The following LUZP2 variants were observed in gnomAD, a reference collection of about 807,000 sequenced individuals.
The protein encoded by LUZP2 is leucine zipper protein 2.
LUZP2 carries 52 observed loss-of-function variants against 51.6 expected under a neutral mutation model. The observed-to-expected ratio is 1.01, with a 90% CI of 0.81 to 1.27. The LOEUF (loss-of-function observed/expected upper bound fraction) is 1.27. Among genes scored for constraint, LUZP2 ranks in the 50% most tolerant of loss-of-function variants. LUZP2 has a pLI of 0.00. For missense variants in LUZP2, 436 were observed against 395.4 expected (o/e 1.10, Z -0.87); for synonymous variants, 154 against 137.3 (o/e 1.12, Z -0.85).
At chr11:24,794,396 T>C (rs991394339) in intron 5 of LUZP2, among the ~76,000 whole-genome samples, 2 of 152,148 alleles carry the variant, frequency 1.3e-5, no homozygotes, top group African/African-American at 4.8e-5. Context: ...TCTGCTAATC[T>C]TTACTCCTAA....
Position 24,926,381 on chromosome 11 carries a change from A to G in LUZP2, c.522+11843A>G, listed in dbSNP as rs1222036389. 2.7e-4 allele frequency among the ~76,000 whole-genome samples: 17 copies of G among 63,250 alleles called. 2 individuals carry two copies. The highest frequency in any genetic ancestry group is 9.3e-4 in the African/African-American group (17 of 18,258). 41.5% of individuals were successfully genotyped at this position (63,250 alleles called of 152,430 possible). A position where few individuals can be genotyped will look rare whatever the true frequency, so the allele number is the denominator to read the frequency against. On this transcript the variant is annotated intron_variant, in intron 7 of 11. Coordinates refer to ENST00000336930, the MANE Select transcript of LUZP2 (RefSeq NM_001009909.4). Reference sequence around the variant, plus strand: ...CGTGTGTATATATATATACGTGTGTATATATATACGTGTGTATATATATAT... The same window carrying G: ...CGTGTGTATATATATATACGTGTGTGTATATATACGTGTGTATATATATAT...
intron 1 of LUZP2, among the ~76,000 whole-genome samples, chr11:24,651,914 G>C (rs1855635147): frequency 6.6e-6 from 1 of 151,994 alleles, no homozygotes. Flanking sequence ...GTGAATTTTG[G>C]ATGTGCAAAG....
chr11:24,691,774 T>G (rs905358686), intron 1 of LUZP2, among the ~76,000 whole-genome samples: 1 of 152,010 alleles, frequency 6.6e-6, no homozygotes, highest in Non-Finnish European at 1.5e-5. Context: ...ATGTGTGATG[T>G]CTGGCCCTGA....
intron 1 of LUZP2, among the ~76,000 whole-genome samples, chr11:24,617,718 G>A (rs1175320209): frequency 1.3e-5 from 2 of 152,032 alleles, no homozygotes; most frequent in African/African-American, 4.8e-5. Flanking sequence ...CTACTTGGGA[G>A]GCTGAGGCAG....
chr11:24,921,120 A>C (rs527907641), intron 7 of LUZP2, among the ~76,000 whole-genome samples: 1 of 152,202 alleles, frequency 6.6e-6, no homozygotes, highest in South Asian at 2.1e-4. Flanking sequence ...AACGACAGGG[A>C]CACAGGTGGA....
chr11:25,056,016 C>T (rs1052122792), intron 10 of LUZP2, among the ~76,000 whole-genome samples: 6 of 152,044 alleles, frequency 3.9e-5, no homozygotes, highest in African/African-American at 1.4e-4. Context: ...TCACAAAAAA[C>T]CTCAATAAGT....
At chr11:24,824,591 A>G (rs1230136546) in intron 5 of LUZP2, among the ~76,000 whole-genome samples, 2 of 151,926 alleles carry the variant, frequency 1.3e-5, no homozygotes, top group Non-Finnish European at 2.9e-5. Context: ...ACTTGTTCAC[A>G]TGGTTGTAGA....
At chr11:24,553,501 G>T (rs1207176612) in intron 1 of LUZP2, among the ~76,000 whole-genome samples, 3 of 152,010 alleles carry the variant, frequency 2.0e-5, no homozygotes, top group African/African-American at 7.2e-5. Context: ...AAATCAATTA[G>T]AAATTTATAT....
chr11:24,853,955 G>A (rs1406940195), intron 5 of LUZP2, among the ~76,000 whole-genome samples: 1 of 152,180 alleles, frequency 6.6e-6, no homozygotes, highest in African/African-American at 2.4e-5. Flanking sequence ...GGAGGCTGTA[G>A]AACAGCAAAG....
At chr11:24,540,626 G>A (rs1851328160) in intron 1 of LUZP2, among the ~76,000 whole-genome samples, 1 of 152,070 alleles carries the variant, frequency 6.6e-6, no homozygotes, top group Non-Finnish European at 1.5e-5. Context: ...ATTTTATTAT[G>A]TTAGCTTGAG....
At chr11:24,683,072 G>A (rs991581948) in intron 1 of LUZP2, among the ~76,000 whole-genome samples, 3 of 152,160 alleles carry the variant, frequency 2.0e-5, no homozygotes, top group Admixed American at 6.5e-5. Flanking sequence ...AACTACTCAG[G>A]AGATGGCAGA....
chr11:25,037,333 G>A (rs2134000735), intron 9 of LUZP2, among the ~76,000 whole-genome samples: 1 of 152,082 alleles, frequency 6.6e-6, no homozygotes, highest in East Asian at 1.9e-4. Flanking sequence ...CTTTGATTTT[G>A]AGCTTGTGAG....
chr11:24,986,551 G>GTGTGTGTGTGTT (rs528846991), intron 9 of LUZP2, among the ~76,000 whole-genome samples: 9 of 151,036 alleles, frequency 6.0e-5, no homozygotes, highest in Admixed American at 3.3e-4. Context: ...GTGTGTGTGT[G>GTGTGTGTGTGTT]TGTGTGTGTG....
chr11:24,696,168 C>A (rs1857240760), intron 1 of LUZP2, among the ~76,000 whole-genome samples: 1 of 151,888 alleles, frequency 6.6e-6, no homozygotes, highest in Non-Finnish European at 1.5e-5. Flanking sequence ...CAGTGTCTTG[C>A]CAGATATGGT....
intron 5 of LUZP2, among the ~76,000 whole-genome samples, chr11:24,842,832 T>A (rs990761642): frequency 6.6e-5 from 10 of 151,844 alleles, no homozygotes; most frequent in African/African-American, 2.4e-4. Context: ...TTAAAAAGAA[T>A]AGCTAAATTA....
intron 1 of LUZP2, among the ~76,000 whole-genome samples, chr11:24,666,811 G>A (rs1463827056): frequency 2.6e-5 from 4 of 152,126 alleles, no homozygotes; most frequent in African/African-American, 7.2e-5. Context: ...AGGGGATGAA[G>A]GATTGTTTTA....
At chr11:24,676,410 G>A (rs1856553059) in intron 1 of LUZP2, among the ~76,000 whole-genome samples, 1 of 151,924 alleles carries the variant, frequency 6.6e-6, no homozygotes, top group Non-Finnish European at 1.5e-5. Flanking sequence ...AAATCTCAAA[G>A]CATTAGTTAG....
chr11:24,917,142 G>T (rs1290617055), intron 7 of LUZP2, among the ~76,000 whole-genome samples: 1 of 152,188 alleles, frequency 6.6e-6, no homozygotes, highest in Non-Finnish European at 1.5e-5. Flanking sequence ...CTTTTGAGAA[G>T]TGTCTGTTCA....
intron 5 of LUZP2, among the ~76,000 whole-genome samples, chr11:24,774,362 C>CTATATATATA (rs1554989374): frequency 9.2e-5 from 7 of 76,334 alleles, no homozygotes; most frequent in African/African-American, 4.2e-4. Flanking sequence ...CTCTCTCTCT[C>CTATATATATA]TATATATATA....
Sources: allele counts gnomAD v4.1 joint callset (sites outside exome capture counted in the v4.1 genomes callset), GRCh38; gene constraint gnomAD v4.1.1; transcripts MANE v1.5; gene names NCBI Gene and HGNC (gene_info 2026-07-23, HGNC 2026-07-21).